LARP6: variants seen among roughly 807,000 people sequenced by gnomAD.
LARP6 encodes the protein La ribonucleoprotein 6, translational regulator.
In LARP6, 18 loss-of-function variants were observed where a neutral mutation model predicts 32.8. The observed-to-expected ratio is 0.55, with a 90% CI of 0.38 to 0.81. The LOEUF (loss-of-function observed/expected upper bound fraction) is 0.81. Among genes scored for constraint, LARP6 ranks in the 40% least tolerant of loss-of-function variants. The pLI, the probability that LARP6 is intolerant of heterozygous loss-of-function variation, is 0.00. For missense variants in LARP6, 598 were observed against 663.1 expected, an observed-to-expected ratio of 0.90 and a Z score of 1.08; for synonymous variants, 289 against 267.2, an observed-to-expected ratio of 1.08 and a Z score of -0.80.
At chr15:70,834,171 A>T (rs951521118) in intron 2 of LARP6, among the ~76,000 whole-genome samples, 1 of 152,174 alleles carries the variant, frequency 6.6e-6, no homozygotes, top group Non-Finnish European at 1.5e-5. Context: ...AACTTCATGA[A>T]ACTCAAGAAG....
rs781585541 is a variant in LARP6, at chr15:70,832,570, G to A, written c.958C>T (p.Leu320=). The stretch of plus-strand genomic sequence containing the variant: ...TGAAGCTCCTCGACTCTCTTGTTCA[G>A]GGACTTGTTCAGGTGGATGCTCGCA... ...PTASIHLNKS[L]NKRVEELQYM... is the part of the protein sequence containing the mutation. Residue 320 remains leucine (L), a synonymous_variant, in exon 3 of 3, where the codon CTG becomes TTG. Transcript: ENST00000299213. 3.2e-6 allele frequency: 5 copies of A among 1,575,404 alleles called. No homozygotes were observed. The highest frequency in any genetic ancestry group is 4.3e-6 in the Non-Finnish European group (5 of 1,165,464).
intron 2 of LARP6, among the ~76,000 whole-genome samples, chr15:70,833,418 C>T (rs1427216094): frequency 6.6e-6 from 1 of 152,170 alleles, no homozygotes; most frequent in East Asian, 1.9e-4. Context: ...GGCTCTGGAA[C>T]AAGGCTGCTG....
intron 1 of LARP6, among the ~76,000 whole-genome samples, chr15:70,836,958 C>T (rs1311881521): frequency 6.6e-6 from 1 of 152,174 alleles, no homozygotes; most frequent in African/African-American, 2.4e-5. Flanking sequence ...CCATCCAGCT[C>T]ATGGTATTTT....
chr15:70,830,459 T>G lies in LARP6; in HGVS notation c.*1593A>C, dbSNP rs1292500003. ...ATTAGCACCTTTTATGGTGGATTCT[T>G]TTTTGAATATGGATAGTAAAGATCA... On this transcript the variant is annotated 3_prime_UTR_variant, in exon 3 of 3. Transcript: ENST00000299213. 6.6e-6 allele frequency: 1 copy of G among 152,210 alleles called. No individual in the cohort carries two copies. The highest frequency in any genetic ancestry group is 1.5e-5 in the Non-Finnish European group (1 of 68,048). The allele number at this position is 152,210 out of a possible 1,614,324, so 9.4% of individuals were successfully genotyped here.
intron 1 of LARP6, among the ~76,000 whole-genome samples, chr15:70,844,105 C>T (rs1206554534): frequency 6.6e-6 from 1 of 151,568 alleles, no homozygotes; most frequent in African/African-American, 2.4e-5. Context: ...TACAGGCACA[C>T]ACCACCCCAC....
At chr15:70,842,947 G>T (rs1169776436) in intron 1 of LARP6, among the ~76,000 whole-genome samples, 1 of 152,160 alleles carries the variant, frequency 6.6e-6, no homozygotes, top group South Asian at 2.1e-4. Context: ...TCCAGGAGCA[G>T]GCTGCATTGT....
chr15:70,837,811 G>C (rs1019056171), intron 1 of LARP6, among the ~76,000 whole-genome samples: 1 of 152,174 alleles, frequency 6.6e-6, no homozygotes, highest in East Asian at 1.9e-4. Flanking sequence ...TGGCTTTAGA[G>C]TTAAGATTGC....
At chr15:70,837,210 A>AAAC (rs71438503) in intron 1 of LARP6, among the ~76,000 whole-genome samples, 10 of 151,006 alleles carry the variant, frequency 6.6e-5, no homozygotes, top group South Asian at 6.3e-4. Context: ...TGTTGCTACA[A>AAAC]AACAACAACA....
intron 2 of LARP6, among the ~76,000 whole-genome samples, chr15:70,833,837 A>T (rs1281404172): frequency 6.6e-6 from 1 of 152,248 alleles, no homozygotes; most frequent in East Asian, 1.9e-4. Context: ...GACATGGACT[A>T]CTTCAACTTG....
chr15:70,839,239 G>A (rs964867410), intron 1 of LARP6, among the ~76,000 whole-genome samples: 2 of 152,056 alleles, frequency 1.3e-5, no homozygotes, highest in African/African-American at 2.4e-5. Context: ...AGAAGATCGA[G>A]ACCAGCCTGG....
chr15:70,833,310 C>T (rs1275195413), intron 2 of LARP6, among the ~76,000 whole-genome samples, 194 bp from the exon 3 acceptor site: 2 of 152,170 alleles, frequency 1.3e-5, no homozygotes, highest in African/African-American at 4.8e-5. Context: ...ACAAGTTCTA[C>T]CATTTCAAAC....
In LARP6 at chr15:70,853,930, G is replaced by T. The variant is rs1289643999; in HGVS notation, c.159C>A (p.Gly53=). 5.6e-6 allele frequency: 8 copies of T among 1,418,296 alleles called. No homozygotes were observed. The highest frequency in any genetic ancestry group is 1.4e-5 in the South Asian group (1 of 68,980). 87.9% of individuals were successfully genotyped at this position (1,418,296 alleles called of 1,614,324 possible). Residue 53 remains glycine, a synonymous_variant, in exon 1 of 3, where the codon GGC becomes GGA. Transcript: ENST00000299213. The part of the protein sequence containing the change: ...AGDPARYLSP[G]WGSASEEEPS... ...GCTCCTCCTCGCTCGCGCTGCCCCA[G>T]CCGGGGCTGAGGTACCGGGCCGGGT...
At chr15:70,850,995 A>G (rs1168981624) in intron 1 of LARP6, among the ~76,000 whole-genome samples, 1 of 152,184 alleles carries the variant, frequency 6.6e-6, no homozygotes, top group Non-Finnish European at 1.5e-5. Flanking sequence ...CCCAGACCAT[A>G]TTCTGGTTTG....
chr15:70,845,560 G>C (rs560057210), intron 1 of LARP6, among the ~76,000 whole-genome samples: 116 of 152,334 alleles, frequency 7.6e-4, no homozygotes, highest in Middle Eastern at 3.4e-3. Context: ...ATCTGAGGTA[G>C]TGTTTGTCGG....
At chr15:70,838,117 C>T (rs1959098043) in intron 1 of LARP6, among the ~76,000 whole-genome samples, 1 of 152,076 alleles carries the variant, frequency 6.6e-6, no homozygotes, top group Non-Finnish European at 1.5e-5. Context: ...CATGTTAAAT[C>T]TGTAGTGTCA....
intron 1 of LARP6, among the ~76,000 whole-genome samples, chr15:70,838,481 G>A (rs775970926): frequency 8.5e-5 from 13 of 152,142 alleles, no homozygotes; most frequent in Non-Finnish European, 1.6e-4. Context: ...TACCTTATAT[G>A]TTTTGCTAGG....
intron 1 of LARP6, among the ~76,000 whole-genome samples, chr15:70,838,245 C>A (rs1308326537): frequency 1.3e-5 from 2 of 152,194 alleles, no homozygotes; most frequent in Non-Finnish European, 2.9e-5. Flanking sequence ...AGGAACTCCA[C>A]TGCATCTCAC....
chr15:70,854,001 C>T lies in LARP6; in HGVS notation c.88G>A (p.Glu30Lys), dbSNP rs766894389. The T allele has an allele frequency of 4.8e-6, 7 of 1,463,766 alleles. No homozygotes were observed. Among genetic ancestry groups the T allele is most frequent in the African/African-American group, 1.5e-5 (1 of 68,054 alleles). The allele number at this position is 1,463,766 out of a possible 1,614,324, so 90.7% of individuals were successfully genotyped here. The change falls in exon 1 of 3, where the codon GAG (glutamate) becomes AAG (lysine). Residue 30 changes from glutamate (E) to lysine (K), a missense_variant. Glu to Lys is a moderately conservative substitution (Grantham distance 56, BLOSUM62 1). Around this residue, in one of 3 missense-constraint regions of LARP6, gnomAD observed 161 missense variants for 148.6 expected, o/e 1.08. Transcript: ENST00000299213. ...GCCCCCTCCTCCTCGTCCTCCAACT[C>T]GTCCACGTCCTCGGCCTCCTGGATG... The part of the protein sequence containing the change: ...VAIQEAEDVD[E>K]LEDEEEGAET...
At chr15:70,849,403 A>G (rs1223249538) in intron 1 of LARP6, 2 of 155,484 alleles carry the variant, frequency 1.3e-5, no homozygotes, top group Non-Finnish European at 1.4e-5. Flanking sequence ...AAATATATAT[A>G]TATTTCTTAG....
Sources: gnomAD v4.1 joint callset for allele counts (sites outside exome capture counted in the v4.1 genomes callset) on GRCh38, gnomAD v4.1.1 for gene constraint, gnomAD v4.1.1 regional missense constraint, MANE v1.5 for transcripts, NCBI Gene and HGNC (gene_info 2026-07-23, HGNC 2026-07-21) for gene names.